Variants in RBFOX1 observed in about 807,000 individuals in gnomAD.
RBFOX1 encodes RNA binding protein fox-1 homolog 1.
A neutral mutation model predicts 57.7 loss-of-function variants in RBFOX1; 8 were observed. The observed-to-expected ratio is 0.14, with a 90% CI of 0.08 to 0.25. The LOEUF is 0.25. RBFOX1 is among the 10% of genes least tolerant of loss of function. The probability of loss-of-function intolerance (pLI) is 1.00; values close to 1 mark genes in which losing one functional copy is unlikely to be tolerated. For missense variants in RBFOX1, 611 were observed against 548.5 expected, an observed-to-expected ratio of 1.11 and a Z score of -1.14; for synonymous variants, 326 against 222.4, an observed-to-expected ratio of 1.47 and a Z score of -4.15.
chr16:5,648,527 AG>A (rs2049122757), intron 3 of RBFOX1, among the ~76,000 whole-genome samples: 1 of 152,002 alleles, frequency 6.6e-6, no homozygotes, highest in East Asian at 1.9e-4. Context: ...ACTTGCGGGG[AG>A]GTGGTACTGG....
At chr16:6,721,409 C>T (rs2065967634) in intron 3 of RBFOX1, among the ~76,000 whole-genome samples, 2 of 152,216 alleles carry the variant, frequency 1.3e-5, no homozygotes, top group East Asian at 1.9e-4. Context: ...TGCCACTGCA[C>T]TCCAGCCTGG....
At chr16:6,409,065 G>A (rs906994172) in intron 2 of RBFOX1, among the ~76,000 whole-genome samples, 12 of 152,092 alleles carry the variant, frequency 7.9e-5, no homozygotes, top group African/African-American at 2.9e-4. Flanking sequence ...TTGAATAAAT[G>A]AATAAATTCA....
At chr16:7,410,419 C>T (rs549876972) in intron 4 of RBFOX1, among the ~76,000 whole-genome samples, 1 of 152,196 alleles carries the variant, frequency 6.6e-6, no homozygotes, top group African/African-American at 2.4e-5. Context: ...TGATGGCTCA[C>T]GCCTGTAATC....
intron 2 of RBFOX1, among the ~76,000 whole-genome samples, chr16:6,369,894 T>C (rs541610379): frequency 9.3e-4 from 142 of 152,312 alleles, no homozygotes; most frequent in Non-Finnish European, 1.8e-3. Flanking sequence ...CCACAGTTTG[T>C]TTTCCAATTT....
chr16:5,875,679 C>G (rs538865810), intron 4 of RBFOX1, among the ~76,000 whole-genome samples: 6 of 152,212 alleles, frequency 3.9e-5, no homozygotes, highest in African/African-American at 1.4e-4. Flanking sequence ...GCGTCTGAAC[C>G]CACATGGAAG....
At chr16:5,934,609 C>T (rs909491045) in intron 4 of RBFOX1, among the ~76,000 whole-genome samples, 7 of 152,180 alleles carry the variant, frequency 4.6e-5, no homozygotes, top group African/African-American at 1.4e-4. Context: ...TTGAATGTTC[C>T]CAACACAAAG....
At chr16:7,332,626 C>T (rs1012436551) in intron 4 of RBFOX1, 2 of 336,924 alleles carry the variant, frequency 5.9e-6, no homozygotes, top group East Asian at 1.9e-4. Context: ...GCTTATATCT[C>T]ATAGCCTGGT....
At chr16:6,885,199 C>G (rs142617170) in intron 3 of RBFOX1, among the ~76,000 whole-genome samples, 1 of 152,142 alleles carries the variant, frequency 6.6e-6, no homozygotes, top group Non-Finnish European at 1.5e-5. Context: ...ACTGAGCCAT[C>G]ACTTCAGAAA....
intron 4 of RBFOX1, among the ~76,000 whole-genome samples, chr16:7,327,109 G>C (rs1206901651): frequency 2.0e-5 from 3 of 152,194 alleles, no homozygotes; most frequent in African/African-American, 4.8e-5. Flanking sequence ...AAAGGTGATG[G>C]TGCACTTAGT....
At chr16:7,239,889 A>G (rs1411675247) in intron 4 of RBFOX1, among the ~76,000 whole-genome samples, 2 of 133,764 alleles carry the variant, frequency 1.5e-5, no homozygotes, top group Admixed American at 1.5e-4. Context: ...GTTGTGCTAA[A>G]AGGAACATTT....
chr16:6,675,521 C>T (rs1375780570), intron 3 of RBFOX1, among the ~76,000 whole-genome samples: 1 of 152,122 alleles, frequency 6.6e-6, no homozygotes, highest in Non-Finnish European at 1.5e-5. Flanking sequence ...CATTGCTGAA[C>T]CAGGCCCTGC....
At position 6,439,755 on chromosome 16, in the gene RBFOX1, T is replaced by G. The variant is rs191310351; in HGVS notation, c.-64+122698T>G. ...TGGGATACTTCTCCAGTCTCATCTTTCCCTGGGAGATGTCCCTTCCCAAGC... is the reference window on the plus strand; with the variant it reads ...TGGGATACTTCTCCAGTCTCATCTTGCCCTGGGAGATGTCCCTTCCCAAGC... On this transcript the variant is annotated intron_variant, in intron 2 of 15. Coordinates refer to ENST00000550418, the MANE Select transcript of RBFOX1 (RefSeq NM_018723.4). 1.9e-4 allele frequency among the ~76,000 whole-genome samples: 29 copies of G among 152,192 alleles called. No homozygotes were observed. The South Asian group carries it at 2.7e-3, about 14-fold the overall frequency.
intron 2 of RBFOX1, among the ~76,000 whole-genome samples, chr16:6,475,952 A>G (rs1224826911): frequency 6.6e-6 from 1 of 152,262 alleles, no homozygotes; most frequent in Middle Eastern, 3.4e-3. Flanking sequence ...TTTTCCCCCT[A>G]TGAAGAAGCA....
At chr16:7,122,052 TAGA>T (rs879667441) in intron 4 of RBFOX1, among the ~76,000 whole-genome samples, 3 of 152,090 alleles carry the variant, frequency 2.0e-5, no homozygotes, top group Non-Finnish European at 4.4e-5. Flanking sequence ...TGTAAAGTTT[TAGA>T]AGAACACATG....
At chr16:7,319,546 T>G (rs1376906259) in intron 4 of RBFOX1, among the ~76,000 whole-genome samples, 2 of 152,046 alleles carry the variant, frequency 1.3e-5, no homozygotes, top group African/African-American at 4.8e-5. Flanking sequence ...TCTGCAGCAG[T>G]GGGATTTCTC....
At chr16:6,104,819 G>C (rs2096358936) in intron 1 of RBFOX1, among the ~76,000 whole-genome samples, 1 of 152,208 alleles carries the variant, frequency 6.6e-6, no homozygotes, top group Admixed American at 6.5e-5. Flanking sequence ...ATTATGCAAA[G>C]TGAAGGAAGT....
At position 6,733,988 on chromosome 16, in the gene RBFOX1, C is replaced by G. The variant is rs1284055957; in HGVS notation, c.-16+79338C>G. ...TGCCATAAAGACAAAGTTTATAGGA[C>G]ACAGTGTTCAGTCCCTGCCACATCA... On this transcript the variant is annotated intron_variant, in intron 3 of 15. Transcript: ENST00000550418. Among the ~76,000 whole-genome samples, 3 of 152,270 alleles carry G rather than the reference C, an allele frequency of 2.0e-5. No homozygotes were observed. In the East Asian group the frequency reaches 5.8e-4, roughly 29 times the overall value.
chr16:6,318,882 C>T (rs1021440434), intron 2 of RBFOX1, among the ~76,000 whole-genome samples: 2 of 151,072 alleles, frequency 1.3e-5, no homozygotes, highest in African/African-American at 4.9e-5. Context: ...GGTATTGATC[C>T]CTCTTAGTGT....
At chr16:5,412,876 C>T (rs1281202959) in intron 1 of RBFOX1, among the ~76,000 whole-genome samples, 1 of 152,168 alleles carries the variant, frequency 6.6e-6, no homozygotes, top group East Asian at 1.9e-4. Flanking sequence ...CAACTGTGAG[C>T]AAATGCTGGA....
Sources: gnomAD v4.1 joint callset for allele counts (sites outside exome capture counted in the v4.1 genomes callset) on GRCh38, gnomAD v4.1.1 for gene constraint, MANE v1.5 for transcripts, NCBI Gene and HGNC (gene_info 2026-07-23, HGNC 2026-07-21) for gene names.